The following SLC39A11 variants were observed in gnomAD, a reference collection of about 807,000 sequenced individuals.
SLC39A11 encodes the protein zinc transporter ZIP11.
SLC39A11 carries 33 observed loss-of-function variants against 36.1 expected under a neutral mutation model. That is an observed-to-expected ratio of 0.91 (90% CI 0.69 to 1.22). The LOEUF is 1.22. Ranked by LOEUF, SLC39A11 falls within the 50% of genes most tolerant of loss-of-function variation. The pLI is 0.00. For missense variants in SLC39A11, 432 were observed against 430.3 expected (o/e 1.00, Z -0.03); for synonymous variants, 166 against 170.3 (o/e 0.97, Z 0.20).
chr17:72,777,595 C>T (rs1475635722), intron 6 of SLC39A11, among the ~76,000 whole-genome samples: 1 of 152,082 alleles, frequency 6.6e-6, no homozygotes, highest in East Asian at 1.9e-4. Context: ...AGCTAAGTTA[C>T]ACCAAGAATT....
chr17:72,932,515 G>A (rs947669363), intron 5 of SLC39A11, among the ~76,000 whole-genome samples: 1 of 143,842 alleles, frequency 7.0e-6, no homozygotes, highest in Non-Finnish European at 1.5e-5. Context: ...TGTTCTTTTG[G>A]TATGGATTCC....
chr17:73,048,315 G>T (rs62073126), intron 3 of SLC39A11, among the ~76,000 whole-genome samples: 1 of 151,912 alleles, frequency 6.6e-6, no homozygotes, highest in Non-Finnish European at 1.5e-5. Flanking sequence ...GTGTTAATTC[G>T]CTTAGGATAA....
chr17:73,066,306 G>A (rs767121070), intron 3 of SLC39A11, among the ~76,000 whole-genome samples: 5 of 152,138 alleles, frequency 3.3e-5, no homozygotes, highest in Admixed American at 6.6e-5. Flanking sequence ...AATGACCGCG[G>A]CCTCATGAGT....
chr17:72,713,602 T>A (rs1457802543), intron 7 of SLC39A11, among the ~76,000 whole-genome samples: 2 of 152,202 alleles, frequency 1.3e-5, no homozygotes, highest in East Asian at 3.9e-4. Context: ...CCGAAAGGTA[T>A]TAATAGCCAA....
rs545580877 is a variant in SLC39A11 at position 72,697,812 on chromosome 17, C to T, written c.671+38838G>A. On this transcript the variant is annotated intron_variant, in intron 7 of 9. Coordinates refer to ENST00000255559, the MANE Select transcript of SLC39A11 (RefSeq NM_139177.4). ...CTATGTCTGATTTGACTGATACACTCGCCACGTGGATGGGCTCAGGAAGGA... is the reference window on the plus strand; with the variant it reads ...CTATGTCTGATTTGACTGATACACTTGCCACGTGGATGGGCTCAGGAAGGA... 8.6e-5 allele frequency among the ~76,000 whole-genome samples: 13 copies of T among 150,794 alleles called. No homozygotes were observed. In the East Asian group the frequency reaches 1.6e-3, roughly 19 times the overall value.
In SLC39A11 at chr17:72,701,931, C is replaced by T. The variant is rs1367751668; in HGVS notation, c.671+34719G>A. Among the ~76,000 whole-genome samples, 9 of 152,130 alleles carry T rather than the reference C, an allele frequency of 5.9e-5. No individual in the cohort carries two copies. The East Asian group carries it at 1.7e-3, about 29-fold the overall frequency. On this transcript the variant is annotated intron_variant, in intron 7 of 9. Transcript: ENST00000255559. ...GACCAGCCTGGGTGATATAAAGAGA[C>T]CCCATCTCTATAGAATGTTTAAAAA...
At chr17:72,973,397 A>C (rs1167215690) in intron 4 of SLC39A11, among the ~76,000 whole-genome samples, 1 of 151,918 alleles carries the variant, frequency 6.6e-6, no homozygotes, top group Non-Finnish European at 1.5e-5. Flanking sequence ...AGGAGAAGGA[A>C]GGGCAAGTAG....
At chr17:72,809,199 T>TTCTCTTTCTCTCTCTC (rs964473693) in intron 6 of SLC39A11, among the ~76,000 whole-genome samples, 5 of 102,202 alleles carry the variant, frequency 4.9e-5, no homozygotes, top group African/African-American at 1.4e-4. Flanking sequence ...TTTCTTTTCT[T>TTCTCTTTCTCTCTCTC]TCTCTCTCTC....
chr17:72,676,035 C>T (rs1440592659), intron 7 of SLC39A11, among the ~76,000 whole-genome samples: 1 of 151,114 alleles, frequency 6.6e-6, no homozygotes, highest in East Asian at 2.0e-4. Flanking sequence ...AGGTGGGTTA[C>T]AAGCCCTTGT....
intron 6 of SLC39A11, among the ~76,000 whole-genome samples, chr17:72,796,845 CAAG>C (rs935917913): frequency 6.6e-6 from 1 of 152,148 alleles, no homozygotes; most frequent in Non-Finnish European, 1.5e-5. Flanking sequence ...GCTAAGTATG[CAAG>C]AAGATGTGAC....
intron 7 of SLC39A11, among the ~76,000 whole-genome samples, chr17:72,717,928 T>C (rs1252969428): frequency 6.6e-6 from 1 of 152,168 alleles, no homozygotes; most frequent in Admixed American, 6.6e-5. Flanking sequence ...TCTGGAGTTT[T>C]CCCTTCTTTC....
chr17:72,970,176 G>A (rs1490325464), intron 4 of SLC39A11, among the ~76,000 whole-genome samples: 3 of 152,170 alleles, frequency 2.0e-5, no homozygotes, highest in Non-Finnish European at 4.4e-5. Flanking sequence ...AGCAGGTCAC[G>A]GTCATTTGGT....
rs554809442 is a variant in SLC39A11, at chr17:73,000,416, C to A, written c.306+31140G>T. On this transcript the variant is annotated intron_variant, in intron 4 of 9. Coordinates refer to ENST00000255559, the MANE Select transcript of SLC39A11 (RefSeq NM_139177.4). ...ATGCTGGCTGACACAAAAGTGGCAG[C>A]AATTGCATCCAACTTATGTTCCCGA... is the stretch of plus-strand genomic sequence containing the variant. Among the ~76,000 whole-genome samples, 5 of 152,186 alleles carry A rather than the reference C, an allele frequency of 3.3e-5. No individual in the cohort carries two copies. The South Asian group carries it at 1.0e-3, about 32-fold the overall frequency.
At chr17:73,034,303 A>C (rs1598945401) in intron 3 of SLC39A11, among the ~76,000 whole-genome samples, 1 of 152,074 alleles carries the variant, frequency 6.6e-6, no homozygotes, top group East Asian at 1.9e-4. Context: ...GTTCACTGCA[A>C]CCTCTGCCTC....
At chr17:72,794,073 T>C (rs995486511) in intron 6 of SLC39A11, among the ~76,000 whole-genome samples, 1 of 152,186 alleles carries the variant, frequency 6.6e-6, no homozygotes, top group Non-Finnish European at 1.5e-5. Flanking sequence ...TGCCTGAGGT[T>C]TGTGGCATTC....
At chr17:73,001,694 C>T (rs1363052649) in intron 4 of SLC39A11, among the ~76,000 whole-genome samples, 1 of 151,916 alleles carries the variant, frequency 6.6e-6, no homozygotes, top group East Asian at 1.9e-4. Context: ...ACTCAGAGGC[C>T]ATGGAATGAG....
chr17:72,920,355 C>A (rs1598418272), intron 5 of SLC39A11, among the ~76,000 whole-genome samples: 1 of 151,258 alleles, frequency 6.6e-6, no homozygotes, highest in Admixed American at 6.6e-5. Context: ...TCCTCTTCTA[C>A]CATTCTCTGC....
At chr17:73,081,245 G>A (rs1475092008) in intron 3 of SLC39A11, among the ~76,000 whole-genome samples, 1 of 152,098 alleles carries the variant, frequency 6.6e-6, no homozygotes, top group Non-Finnish European at 1.5e-5. Flanking sequence ...AATGATCAGG[G>A]AAATGCAAAT....
At chr17:72,912,773 T>C (rs1048664192) in intron 5 of SLC39A11, among the ~76,000 whole-genome samples, 3 of 152,108 alleles carry the variant, frequency 2.0e-5, no homozygotes, top group Non-Finnish European at 4.4e-5. Flanking sequence ...AGGCAGAAGA[T>C]GGAATCAAAA....
Sources: allele counts gnomAD v4.1 joint callset (sites outside exome capture counted in the v4.1 genomes callset), GRCh38; gene constraint gnomAD v4.1.1; transcripts MANE v1.5; gene names NCBI Gene and HGNC (gene_info 2026-07-23, HGNC 2026-07-21).